Variants in EPHB1 observed in about 807,000 individuals in gnomAD.
EPHB1 encodes the protein ephrin type-B receptor 1.
Under a neutral mutation model 94.4 loss-of-function variants are expected in EPHB1, and 30 were observed. The ratio of observed to expected loss-of-function variants is 0.32; its 90% CI spans 0.24 to 0.43. The LOEUF (loss-of-function observed/expected upper bound fraction) is 0.43. Ranked by LOEUF, EPHB1 falls within the 20% of genes least tolerant of loss-of-function variation. EPHB1 has a pLI of 1.00. For missense variants in EPHB1, 1,055 were observed against 1,308.3 expected (o/e 0.81, Z 2.99); for synonymous variants, 522 against 489.1 (o/e 1.07, Z -0.89).
intron 15 of EPHB1, among the ~76,000 whole-genome samples, chr3:135,252,702 A>G (rs79114304): frequency 0.12 from 16,655 of 139,248 alleles, 1,915 homozygotes; most frequent in Middle Eastern, 0.22. Context: ...TTATAGCAGC[A>G]TGATTTATAG....
At chr3:134,826,183 T>G (rs1292693075) in intron 1 of EPHB1, among the ~76,000 whole-genome samples, 1 of 139,652 alleles carries the variant, frequency 7.2e-6, no homozygotes, top group Non-Finnish European at 1.5e-5. Flanking sequence ...ATCCAGGAGG[T>G]GGAGGTTGCA....
intron 15 of EPHB1, among the ~76,000 whole-genome samples, chr3:135,256,242 T>C (rs1933379526): frequency 6.6e-6 from 1 of 152,250 alleles, no homozygotes; most frequent in African/African-American, 2.4e-5. Flanking sequence ...TTGTTATGTG[T>C]GAATTTGATT....
intron 1 of EPHB1, among the ~76,000 whole-genome samples, chr3:134,911,995 C>A (rs1270475978): frequency 6.6e-6 from 1 of 152,224 alleles, no homozygotes; most frequent in Non-Finnish European, 1.5e-5. Context: ...TCAATCAGGA[C>A]TGAGGGCCCA....
At chr3:134,905,068 C>T (rs1004987840) in intron 1 of EPHB1, among the ~76,000 whole-genome samples, 3 of 152,174 alleles carry the variant, frequency 2.0e-5, no homozygotes, top group Admixed American at 6.5e-5. Flanking sequence ...CATGAGTCAG[C>T]CCCTGAGACC....
intron 9 of EPHB1, among the ~76,000 whole-genome samples, chr3:135,176,428 A>G (rs1387373141): frequency 1.3e-5 from 2 of 152,208 alleles, no homozygotes; most frequent in African/African-American, 4.8e-5. Context: ...TTGACGTTGC[A>G]TCACTACTCC....
intron 1 of EPHB1, among the ~76,000 whole-genome samples, chr3:134,890,071 C>T (rs1049343059): frequency 1.1e-4 from 17 of 152,118 alleles, no homozygotes; most frequent in Admixed American, 1.1e-3. Flanking sequence ...TCTGAAATAT[C>T]CCCAATATAC....
chr3:135,249,489 A>C lies in EPHB1; in HGVS notation c.2844A>C (p.Ser948=). The C allele has an allele frequency of 6.2e-7, 1 of 1,613,040 alleles. No homozygotes were observed. Among genetic ancestry groups the C allele is most frequent in the Non-Finnish European group, 8.5e-7 (1 of 1,179,388 alleles). ...TSLQLVTQMT[S]EDLLRIGITL... is the part of the protein sequence containing the mutation. ...TCCAGCTGGTCACCCAGATGACATC[A>C]GAGTAAGTGATGAGAATCTCTCTGT... is the stretch of plus-strand genomic sequence containing the variant. Residue 948 remains serine, a splice_region_variant and synonymous_variant, in exon 15 of 16, where the codon TCA becomes TCC. Coordinates refer to ENST00000398015, the MANE Select transcript of EPHB1 (RefSeq NM_004441.5).
At chr3:134,822,647 C>T (rs1578114336) in intron 1 of EPHB1, among the ~76,000 whole-genome samples, 1 of 152,288 alleles carries the variant, frequency 6.6e-6, no homozygotes, top group East Asian at 1.9e-4. Context: ...CTCTATGCAC[C>T]ATCCTGCACC....
At chr3:135,072,289 C>G (rs1937746393) in intron 3 of EPHB1, among the ~76,000 whole-genome samples, 1 of 152,142 alleles carries the variant, frequency 6.6e-6, no homozygotes, top group African/African-American at 2.4e-5. Context: ...GAGGCTGAGA[C>G]AGGAGAAACG....
intron 5 of EPHB1, among the ~76,000 whole-genome samples, chr3:135,138,222 T>G (rs1940691401): frequency 6.6e-6 from 1 of 152,250 alleles, no homozygotes. Context: ...CATTATTTAC[T>G]TTTCTTTTAA....
chr3:135,185,542 T>A (rs1315854010), intron 10 of EPHB1, among the ~76,000 whole-genome samples: 1 of 152,212 alleles, frequency 6.6e-6, no homozygotes, highest in Non-Finnish European at 1.5e-5. Context: ...TTAGAGCATA[T>A]ATATCTGTAT....
At chr3:134,824,439 A>G (rs1010591312) in intron 1 of EPHB1, among the ~76,000 whole-genome samples, 3 of 152,088 alleles carry the variant, frequency 2.0e-5, no homozygotes, top group African/African-American at 7.2e-5. Flanking sequence ...AACTGATGAC[A>G]ATACTTTTGC....
intron 3 of EPHB1, among the ~76,000 whole-genome samples, chr3:135,009,646 T>A (rs1264952065): frequency 6.6e-6 from 1 of 152,210 alleles, no homozygotes; most frequent in East Asian, 1.9e-4. Context: ...ACAGAAGGCA[T>A]TGCTAAGATT....
intron 3 of EPHB1, among the ~76,000 whole-genome samples, chr3:135,028,010 G>A (rs1394696357): frequency 0.011 from 1,504 of 137,984 alleles, 29 homozygotes; most frequent in African/African-American, 0.035. Flanking sequence ...GTTTATTTGC[G>A]TAGAGGTGTT....
chr3:135,222,326 C>T (rs1559880622), intron 12 of EPHB1, among the ~76,000 whole-genome samples: 1 of 152,184 alleles, frequency 6.6e-6, no homozygotes, highest in Non-Finnish European at 1.5e-5. Flanking sequence ...AATGGGGATC[C>T]AGCGTGTTCT....
intron 3 of EPHB1, chr3:134,977,902 T>A: frequency 2.2e-6 from 1 of 448,974 alleles, no homozygotes; most frequent in Admixed American, 2.4e-5. Context: ...TGGTTCTACC[T>A]GTGAAGGAGA....
Position 135,241,285 on chromosome 3 carries a change from G to A in EPHB1, c.2484G>A (p.Met828Ile). 1 of 1,614,180 alleles carries A rather than the reference G, an allele frequency of 6.2e-7. No individual in the cohort carries two copies. Among genetic ancestry groups the A allele is most frequent in the Non-Finnish European group, 8.5e-7 (1 of 1,180,016 alleles). The change falls in exon 13 of 16, where the codon ATG becomes ATA. Residue 828 changes from methionine to isoleucine, a missense_variant. Met to Ile is a conservative substitution (Grantham distance 10). Transcript: ENST00000398015. The part of the protein sequence containing the change: ...MSFGERPYWD[M>I]SNQDVINAIE... ...TTGGAGAGAGACCCTATTGGGATAT[G>A]TCCAACCAAGATGTGAGTGTCAGCA... is the stretch of plus-strand genomic sequence containing the variant.
chr3:135,150,929 C>G (rs911689741), intron 5 of EPHB1, among the ~76,000 whole-genome samples: 7 of 152,328 alleles, frequency 4.6e-5, no homozygotes, highest in Admixed American at 4.6e-4. Flanking sequence ...AGAAATGTCT[C>G]CCTGTTCTCA....
At chr3:135,078,964 TAA>T (rs1938051624) in intron 3 of EPHB1, among the ~76,000 whole-genome samples, 1 of 152,070 alleles carries the variant, frequency 6.6e-6, no homozygotes, top group African/African-American at 2.4e-5. Context: ...GTCATTGGGA[TAA>T]GAGTTCTTGT....
Sources: gnomAD v4.1 joint callset for allele counts (sites outside exome capture counted in the v4.1 genomes callset) on GRCh38, gnomAD v4.1.1 for gene constraint, MANE v1.5 for transcripts, NCBI Gene and HGNC (gene_info 2026-07-23, HGNC 2026-07-21) for gene names.